The following JAKMIP1 variants were observed in gnomAD, a reference collection of about 807,000 sequenced individuals.
JAKMIP1 encodes the protein janus kinase and microtubule-interacting protein 1.
JAKMIP1 carries 33 observed loss-of-function variants against 113.0 expected under a neutral mutation model. The ratio of observed to expected loss-of-function variants is 0.29; its 90% CI spans 0.22 to 0.39. JAKMIP1 has a LOEUF of 0.39. Among genes scored for constraint, JAKMIP1 ranks in the 10% least tolerant of loss-of-function variants. The pLI, the probability that JAKMIP1 is intolerant of heterozygous loss-of-function variation, is 1.00. For missense variants in JAKMIP1, 813 were observed against 1,080.5 expected, an observed-to-expected ratio of 0.75 and a Z score of 3.47; for synonymous variants, 480 against 459.9, an observed-to-expected ratio of 1.04 and a Z score of -0.56.
In JAKMIP1 at chr4:6,105,833, G is replaced by A. The variant is rs1713849327; in HGVS notation, c.264C>T (p.Arg88=). The stretch of plus-strand genomic sequence containing the variant: ...GCTCGTGCTGCCGGATGAGCCCCTC[G>A]CGCAGCGCCTGCAGCTCCTTGGTCT... ...EEKTKELQAL[R]EGLIRQHEQE... is the part of the protein sequence containing the mutation. Residue 88 remains arginine, a synonymous_variant, in exon 3 of 21, where the codon CGC becomes CGT. Coordinates refer to ENST00000409021, the MANE Select transcript of JAKMIP1 (RefSeq NM_001099433.2). The A allele has an allele frequency of 3.7e-6, 6 of 1,611,184 alleles. No individual in the cohort carries two copies. The highest frequency in any genetic ancestry group is 3.3e-4 in the Middle Eastern group (2 of 6,082).
At position 6,143,316 on chromosome 4, in the gene JAKMIP1, G is replaced by A. The variant is rs1306505378; in HGVS notation, c.-147-30319C>T. ...TTGGGGGCTTCCTGACTTCCTGTCT[G>A]AATCTCAGCCAATTCTGGGATCTGG... On this transcript the variant is annotated intron_variant, in intron 1 of 20. Coordinates refer to ENST00000409021, the MANE Select transcript of JAKMIP1 (RefSeq NM_001099433.2). The surrounding 1 kb of genome is among the most constrained non-coding windows in gnomAD (Gnocchi z 4.9). Among the ~76,000 whole-genome samples, 3 of 152,190 alleles carry A rather than the reference G, an allele frequency of 2.0e-5. No homozygotes were observed. Among genetic ancestry groups the A allele is most frequent in the Non-Finnish European group, 4.4e-5 (3 of 68,028 alleles).
rs1045773653 is a variant in JAKMIP1, at chr4:6,051,178, G to A, written c.1807-499C>T. 1.3e-5 allele frequency among the ~76,000 whole-genome samples: 2 copies of A among 152,032 alleles called. No individual in the cohort carries two copies. Among genetic ancestry groups the A allele is most frequent in the Non-Finnish European group, 2.9e-5 (2 of 68,012 alleles). On this transcript the variant is annotated intron_variant, in intron 13 of 20. Transcript: ENST00000409021. This position sits in a 1 kb window ranked among gnomAD's most constrained non-coding sequence, Gnocchi z 5.0. ...TGTCTGAGGTCCCACGCTAGCAAGC[G>A]GCAGGGCCAGGACCCCAAAGGCTGA...
At position 6,081,300 on chromosome 4, in the gene JAKMIP1, G is replaced by T. The variant is rs901944262; in HGVS notation, c.1101+309C>A. On this transcript the variant is annotated intron_variant, in intron 6 of 20. Transcript: ENST00000409021. The surrounding 1 kb of genome is among the most constrained non-coding windows in gnomAD (Gnocchi z 4.6). ...TTACATGCTGTTATTTCATCCTCTT[G>T]ATGATCCTCCAGTGTGGATATTTTC... 6.6e-6 allele frequency among the ~76,000 whole-genome samples: 1 copy of T among 152,184 alleles called. No homozygotes were observed. The highest frequency in any genetic ancestry group is 2.4e-5 in the African/African-American group (1 of 41,438).
chr4:6,132,647 T>TA (rs71646639), intron 1 of JAKMIP1, among the ~76,000 whole-genome samples: 41,074 of 117,662 alleles, frequency 0.35, 7,049 homozygotes, highest in African/African-American at 0.54. Context: ...GCCTCAAAAA[T>TA]AAAAAAAAAA....
rs368607766 is a variant in JAKMIP1, at chr4:6,030,276, T to C, written c.2380-495A>G. ...GAGGGAGAAGGGCAGAGGAGGTCAA[T>C]GCTGGTGGGAGCCACTGCACCAGCA... On this transcript the variant is annotated intron_variant, in intron 19 of 20. Coordinates refer to ENST00000409021, the MANE Select transcript of JAKMIP1 (RefSeq NM_001099433.2). 9.9e-5 allele frequency among the ~76,000 whole-genome samples: 15 copies of C among 152,164 alleles called. No homozygotes were observed. In the East Asian group the frequency reaches 2.5e-3, roughly 26 times the overall value.
In JAKMIP1 at chr4:6,149,050, C is replaced by A. The variant is rs1426044160; in HGVS notation, c.-147-36053G>T. On this transcript the variant is annotated intron_variant, in intron 1 of 20. Coordinates refer to ENST00000409021, the MANE Select transcript of JAKMIP1 (RefSeq NM_001099433.2). Reference sequence around the variant, plus strand: ...AGTTGAATTCCAAGAGGCCGTGTAACCCGCAAGAACACACCCCCAGGAAAC... The same window carrying A: ...AGTTGAATTCCAAGAGGCCGTGTAAACCGCAAGAACACACCCCCAGGAAAC... 2.6e-5 allele frequency among the ~76,000 whole-genome samples: 4 copies of A among 152,128 alleles called. No homozygotes were observed. In the East Asian group the frequency reaches 7.7e-4, roughly 29 times the overall value.
At chr4:6,073,927 T>C (rs991699069) in intron 8 of JAKMIP1, among the ~76,000 whole-genome samples, 1 of 152,230 alleles carries the variant, frequency 6.6e-6, no homozygotes, top group Non-Finnish European at 1.5e-5. Flanking sequence ...CAAGTTCCAA[T>C]AGCCTGCAAC....
rs71173403 is a variant in JAKMIP1 at position 6,080,984 on chromosome 4, T to TACACACACACAC, written c.1101+613_1101+624dup. On this transcript the variant is annotated intron_variant, in intron 6 of 20. Coordinates refer to ENST00000409021, the MANE Select transcript of JAKMIP1 (RefSeq NM_001099433.2). The surrounding 1 kb of genome is among the most constrained non-coding windows in gnomAD (Gnocchi z 6.0). ...GGAGAGGACTTCACACAACAGCAAT[T>TACACACACACAC]ACACACACACACACACACACACACA... Among the ~76,000 whole-genome samples the TACACACACACAC allele has an allele frequency of 0.16, 23,159 of 140,794 alleles. 2,292 individuals are homozygous for TACACACACACAC. Among genetic ancestry groups the TACACACACACAC allele is most frequent in the Middle Eastern group, 0.22 (61 of 280 alleles). 92.4% of individuals were successfully genotyped at this position (140,794 alleles called of 152,430 possible). A position where few individuals can be genotyped will look rare whatever the true frequency, so the allele number is the denominator to read the frequency against.
chr4:6,064,856 C>T lies in JAKMIP1; in HGVS notation c.1431+24G>A, dbSNP rs76811241. ...CCCGAGAGCATCTGGGGTGAGGTCC[C>T]GCCCTCTCTGCAGGTTTGCTTACAT... On this transcript the variant is annotated intron_variant, in intron 9 of 20. Coordinates refer to ENST00000409021, the MANE Select transcript of JAKMIP1 (RefSeq NM_001099433.2). This position sits in a 1 kb window ranked among gnomAD's most constrained non-coding sequence, Gnocchi z 4.3. 3.1e-3 allele frequency: 4,972 copies of T among 1,613,426 alleles called. 121 individuals are homozygous for T. The African/African-American group carries it at 0.057, about 19-fold the overall frequency.
In JAKMIP1 at chr4:6,170,725, C is replaced by A. The variant is rs111161923; in HGVS notation, c.-148+29528G>T. The stretch of plus-strand genomic sequence containing the variant: ...CACCATCACCACCACCATCCCCATC[C>A]CCATCACCACCCTTGCCACCACAAT... On this transcript the variant is annotated intron_variant, in intron 1 of 20. Coordinates refer to ENST00000409021, the MANE Select transcript of JAKMIP1 (RefSeq NM_001099433.2). Among the ~76,000 whole-genome samples the A allele has an allele frequency of 5.8e-3, 451 of 78,304 alleles. 5 individuals are homozygous for A. Among genetic ancestry groups the A allele is most frequent in the African/African-American group, 0.01 (290 of 28,036 alleles). The allele number at this position is 78,304 out of a possible 152,430, so 51.4% of individuals were successfully genotyped here.
At chr4:6,036,437 C>T (rs1713449393) in intron 18 of JAKMIP1, among the ~76,000 whole-genome samples, 1 of 152,236 alleles carries the variant, frequency 6.6e-6, no homozygotes, top group Non-Finnish European at 1.5e-5. Context: ...GGGTTTTATT[C>T]CATCCTTGGT....
At chr4:6,115,549 G>A (rs537208114) in intron 1 of JAKMIP1, among the ~76,000 whole-genome samples, 4 of 152,188 alleles carry the variant, frequency 2.6e-5, no homozygotes, top group Non-Finnish European at 5.9e-5. Flanking sequence ...CTGGGGATAC[G>A]GTGGAAAGGA....
At position 6,098,973 on chromosome 4, in the gene JAKMIP1, G is replaced by A. The variant is rs144539841; in HGVS notation, c.624+6500C>T. Among the ~76,000 whole-genome samples, 1,459 of 152,216 alleles carry A rather than the reference G, an allele frequency of 9.6e-3. 21 individuals are homozygous for A. Among genetic ancestry groups the A allele is most frequent in the African/African-American group, 0.033 (1,380 of 41,512 alleles). On this transcript the variant is annotated intron_variant, in intron 3 of 20. Transcript: ENST00000409021. ...TTCTTTGGTTTGGTTCTGACACCACGGCTGGGAAATTCATTCATTTTCTTG... is the reference window on the plus strand; with the variant it reads ...TTCTTTGGTTTGGTTCTGACACCACAGCTGGGAAATTCATTCATTTTCTTG...
intron 16 of JAKMIP1, among the ~76,000 whole-genome samples, chr4:6,043,113 G>A (rs1384368971): frequency 4.6e-5 from 7 of 152,002 alleles, no homozygotes; most frequent in African/African-American, 9.7e-5. Context: ...GGGGTGTCCG[G>A]GTTTGACAAC....
rs75235557 is a variant in JAKMIP1, at chr4:6,044,116, G to A, written c.2029-1889C>T. ...CAGGAAGCCTACCCTGCTTGAGTCC[G>A]TGGGGTCAGCTAACCTCCATGGTGC... On this transcript the variant is annotated intron_variant, in intron 16 of 20. Coordinates refer to ENST00000409021, the MANE Select transcript of JAKMIP1 (RefSeq NM_001099433.2). This position sits in a 1 kb window ranked among gnomAD's most constrained non-coding sequence, Gnocchi z 4.4. 1.5e-4 allele frequency among the ~76,000 whole-genome samples: 23 copies of A among 152,042 alleles called. No individual in the cohort carries two copies. The highest frequency in any genetic ancestry group is 3.4e-3 in the Middle Eastern group (1 of 294).
At chr4:6,110,719 T>A (rs77808536) in intron 2 of JAKMIP1, among the ~76,000 whole-genome samples, 16,520 of 147,742 alleles carry the variant, frequency 0.11, 1,026 homozygotes, top group Non-Finnish European at 0.14. Flanking sequence ...GAGGTCCCCA[T>A]CTACAGATGG....
chr4:6,066,426 C>T (rs1393808097), intron 8 of JAKMIP1, among the ~76,000 whole-genome samples: 1 of 152,164 alleles, frequency 6.6e-6, no homozygotes, highest in African/African-American at 2.4e-5. Flanking sequence ...CTGCTCACTG[C>T]ATCACCCCTC....
intron 1 of JAKMIP1, among the ~76,000 whole-genome samples, chr4:6,147,276 T>A (rs1364909358): frequency 6.6e-6 from 1 of 151,832 alleles, no homozygotes; most frequent in African/African-American, 2.4e-5. Flanking sequence ...CTCAGTTGTG[T>A]TTTTTGTTTT....
chr4:6,112,616 T>C, intron 2 of JAKMIP1, 106 bp downstream of exon 2: 2 of 1,273,404 alleles, frequency 1.6e-6, no homozygotes, highest in Non-Finnish European at 2.2e-6. Context: ...GTGCCCCCCC[T>C]CGGCCCCCCT....
Sources: gnomAD v4.1 joint callset for allele counts (sites outside exome capture counted in the v4.1 genomes callset) on GRCh38, gnomAD v4.1.1 for gene constraint, Gnocchi (gnomAD v3.1) non-coding constraint, MANE v1.5 for transcripts, NCBI Gene and HGNC (gene_info 2026-07-23, HGNC 2026-07-21) for gene names.